Variants in SLC28A1 observed in about 807,000 individuals in gnomAD.
The protein encoded by SLC28A1 is solute carrier family 28 member 1.
SLC28A1 carries 64 observed loss-of-function variants against 74.8 expected under a neutral mutation model. The observed-to-expected ratio is 0.86, with a 90% CI of 0.70 to 1.05. The LOEUF (loss-of-function observed/expected upper bound fraction) is 1.05. Among genes scored for constraint, SLC28A1 ranks in the 50% least tolerant of loss-of-function variants. The pLI is 0.00. For missense variants in SLC28A1, 828 were observed against 822.8 expected, an observed-to-expected ratio of 1.01 and a Z score of -0.08; for synonymous variants, 359 against 335.0, an observed-to-expected ratio of 1.07 and a Z score of -0.78.
chr15:84,885,007 G>A lies in SLC28A1; in HGVS notation c.-133+256G>A, dbSNP rs546467725. Among the ~76,000 whole-genome samples the A allele has an allele frequency of 7.2e-5, 11 of 152,304 alleles. No individual in the cohort carries two copies. The East Asian group carries it at 2.1e-3, about 29-fold the overall frequency. On this transcript the variant is annotated intron_variant, in intron 1 of 18. Transcript: ENST00000394573. Reference sequence around the variant, plus strand: ...AGAGTCTCGCTCTGTTGCCGAGGCTGGAGTGCAGTGGTGTGATCTCTGCTC... The same window carrying A: ...AGAGTCTCGCTCTGTTGCCGAGGCTAGAGTGCAGTGGTGTGATCTCTGCTC...
chr15:84,954,264 T>C, the SLC28A1 span, among the ~76,000 whole-genome samples: 1 of 151,954 alleles, frequency 6.6e-6, no homozygotes, highest in South Asian at 2.1e-4. Context: ...ACCAGGGAGG[T>C]AGAAGCTGGC....
chr15:84,954,616 G>A, the SLC28A1 span, among the ~76,000 whole-genome samples: 2 of 152,146 alleles, frequency 1.3e-5, no homozygotes, highest in Non-Finnish European at 2.9e-5. Flanking sequence ...GTTTGCTCAA[G>A]GGCACACAGT....
chr15:84,902,151 C>A (rs1420949317), intron 6 of SLC28A1, among the ~76,000 whole-genome samples: 2 of 152,110 alleles, frequency 1.3e-5, no homozygotes, highest in Non-Finnish European at 2.9e-5. Context: ...AAACTTCTTT[C>A]TTTTCTTTTT....
chr15:84,962,376 C>T, the SLC28A1 span, among the ~76,000 whole-genome samples: 5 of 152,052 alleles, frequency 3.3e-5, no homozygotes, highest in Admixed American at 3.3e-4. Context: ...ACCCAGCCTT[C>T]GTTGACTCTT....
Position 84,945,392 on chromosome 15 carries a change from CCCA to C in SLC28A1, c.*194_*196del, listed in dbSNP as rs1401244766. 24 of 629,678 alleles carry C rather than the reference CCCA, an allele frequency of 3.8e-5. No homozygotes were observed. The highest frequency in any genetic ancestry group is 6.4e-5 in the Non-Finnish European group (22 of 343,648). 39.0% of individuals were successfully genotyped at this position (629,678 alleles called of 1,614,324 possible). A position where few individuals can be genotyped will look rare whatever the true frequency, so the allele number is the denominator to read the frequency against. On this transcript the variant is annotated 3_prime_UTR_variant, in exon 19 of 19. Coordinates refer to ENST00000394573, the MANE Select transcript of SLC28A1 (RefSeq NM_004213.5). ...AGTGAGGACATAAGGAAGGACATGT[CCCA>C]CTCCATCCCCCTTCCTGCTCCCCCA...
the SLC28A1 span, among the ~76,000 whole-genome samples, chr15:84,956,467 C>CTTTCTTTCTTTCTTTCTTT: frequency 6.0e-5 from 3 of 49,750 alleles, no homozygotes; most frequent in Admixed American, 2.2e-4. Flanking sequence ...TTCTTTCTTT[C>CTTTCTTTCTTTCTTTCTTT]CTTCTTTCTT....
At chr15:84,918,684 T>A in intron 10 of SLC28A1, 80 bp downstream of exon 10, 1 of 1,116,508 alleles carries the variant, frequency 9.0e-7, no homozygotes. Flanking sequence ...AATGCCTTGC[T>A]CCCAGAGCCC....
At chr15:84,899,865 C>T (rs1966411889) in intron 6 of SLC28A1, among the ~76,000 whole-genome samples, 1 of 149,524 alleles carries the variant, frequency 6.7e-6, no homozygotes, top group African/African-American at 2.5e-5. Context: ...TGACTGCTGC[C>T]TGGGCGATAG....
chr15:84,929,122 A>C lies in SLC28A1; in HGVS notation c.1084-4023A>C, dbSNP rs147703668. On this transcript the variant is annotated intron_variant, in intron 12 of 18. Transcript: ENST00000394573. The stretch of plus-strand genomic sequence containing the variant: ...CTTTTAAGATGTTTTATTAATTTTA[A>C]ATTTTTATTTTGTCATCCATATTGA... Among the ~76,000 whole-genome samples the C allele has an allele frequency of 2.0e-5, 3 of 152,310 alleles. No individual in the cohort carries two copies. In the East Asian group the frequency reaches 5.8e-4, roughly 29 times the overall value.
At chr15:84,887,686 A>C in intron 2 of SLC28A1, 59 bp from the exon 3 acceptor site, 2 of 1,584,598 alleles carry the variant, frequency 1.3e-6, no homozygotes, top group Non-Finnish European at 1.7e-6. Context: ...CCGGGCCCCT[A>C]AACTGGGCCC....
intron 3 of SLC28A1, among the ~76,000 whole-genome samples, chr15:84,888,555 C>G (rs767647510): frequency 2.3e-4 from 35 of 152,198 alleles, no homozygotes; most frequent in Non-Finnish European, 3.4e-4. Context: ...AGACCATGAG[C>G]TCGCTGAGGG....
At chr15:84,961,546 G>A in the SLC28A1 span, 1 of 452,828 alleles carries the variant, frequency 2.2e-6, no homozygotes, top group South Asian at 1.6e-5. Flanking sequence ...TTGCTATGTT[G>A]ACCAGGCTGG....
At chr15:84,909,653 C>T (rs1041864713) in intron 9 of SLC28A1, among the ~76,000 whole-genome samples, 3 of 152,190 alleles carry the variant, frequency 2.0e-5, no homozygotes, top group African/African-American at 7.2e-5. Flanking sequence ...GCCTGTCTTA[C>T]ACTCCAACTG....
chr15:84,900,215 T>C (rs1468161238), intron 6 of SLC28A1, among the ~76,000 whole-genome samples: 1 of 151,330 alleles, frequency 6.6e-6, no homozygotes, highest in Non-Finnish European at 1.5e-5. Context: ...GTATCAGCTA[T>C]TACACTTGGG....
chr15:84,953,477 C>T, the SLC28A1 span, among the ~76,000 whole-genome samples: 23 of 152,126 alleles, frequency 1.5e-4, no homozygotes, highest in African/African-American at 1.7e-4. Flanking sequence ...ACCTGTAATC[C>T]CAGCACTTTG....
chr15:84,901,646 G>A (rs1196141822), intron 6 of SLC28A1, among the ~76,000 whole-genome samples: 1 of 152,220 alleles, frequency 6.6e-6, no homozygotes, highest in Non-Finnish European at 1.5e-5. Flanking sequence ...AGAAATGCAA[G>A]TTAAAAGCAG....
chr15:84,942,608 T>C (rs1170829499), intron 15 of SLC28A1, among the ~76,000 whole-genome samples: 1 of 152,180 alleles, frequency 6.6e-6, no homozygotes, highest in African/African-American at 2.4e-5. Flanking sequence ...ACAGGAAAAC[T>C]GACACTGAAA....
intron 6 of SLC28A1, among the ~76,000 whole-genome samples, chr15:84,901,068 A>C (rs1371460921): frequency 1.3e-5 from 2 of 152,156 alleles, no homozygotes; most frequent in Non-Finnish European, 2.9e-5. Context: ...CTAAAAATAC[A>C]AAAATTAGCT....
the SLC28A1 span, among the ~76,000 whole-genome samples, chr15:84,950,820 A>G: frequency 6.6e-6 from 1 of 152,144 alleles, no homozygotes. Context: ...TGCCCTTGGA[A>G]GAGGGTTCTG....
Sources: allele counts gnomAD v4.1 joint callset (sites outside exome capture counted in the v4.1 genomes callset), GRCh38; gene constraint gnomAD v4.1.1; transcripts MANE v1.5; gene names NCBI Gene and HGNC (gene_info 2026-07-23, HGNC 2026-07-21).